The following COL11A2 variants were observed in gnomAD, a reference collection of about 807,000 sequenced individuals.
COL11A2 encodes collagen type XI alpha 2 chain.
In COL11A2, 116 loss-of-function variants were observed where a neutral mutation model predicts 273.4. That is an observed-to-expected ratio of 0.42 (90% CI 0.36 to 0.49). The LOEUF (loss-of-function observed/expected upper bound fraction) is 0.49. Ranked by LOEUF, COL11A2 falls within the 20% of genes least tolerant of loss-of-function variation. The probability of loss-of-function intolerance (pLI) is 0.00; values close to 1 mark genes in which losing one functional copy is unlikely to be tolerated. For synonymous variants in COL11A2, 782 were observed against 864.2 expected (o/e 0.90, Z 1.67); for missense variants, 1,866 against 2,309.0 (o/e 0.81, Z 3.93).
intron 52 of COL11A2, 35 bp from the exon 53 acceptor site, chr6:33,168,794 C>A (rs1323989169): frequency 1.3e-6 from 2 of 1,598,290 alleles, no homozygotes. Context: ...GGTGGGCCCC[C>A]AACCTGGCTG....
At position 33,169,340 on chromosome 6, in the gene COL11A2, C is replaced by A; in HGVS notation, c.3798+43G>T. 1 of 1,548,776 alleles carries A rather than the reference C, an allele frequency of 6.5e-7. No individual in the cohort carries two copies. The highest frequency in any genetic ancestry group is 8.9e-7 in the Non-Finnish European group (1 of 1,124,890). On this transcript the variant is annotated intron_variant, in intron 51 of 65. Transcript: ENST00000341947. This position sits in a 1 kb window ranked among gnomAD's most constrained non-coding sequence, Gnocchi z 5.5. ...CACCCATATTCCCAGGTCTGTCATT[C>A]ACAGGGCCTGAGAGGACTCAGCCCC...
In COL11A2 at chr6:33,178,874, G is replaced by A. The variant is rs117200425; in HGVS notation, c.1665+46C>T. 6,859 of 1,611,988 alleles carry A rather than the reference G, an allele frequency of 4.3e-3. 376 individuals are homozygous for A. The South Asian group carries it at 0.043, about 10-fold the overall frequency. On this transcript the variant is annotated intron_variant, in intron 17 of 65. Coordinates refer to ENST00000341947, the MANE Select transcript of COL11A2 (RefSeq NM_080680.3). This position sits in a 1 kb window ranked among gnomAD's most constrained non-coding sequence, Gnocchi z 4.6. Reference sequence around the variant, plus strand: ...TCCCCAAGAAACAACTGAGCCCAGCGTGGGCTGAAGGCTACAGGCTTCAGG... The same window carrying A: ...TCCCCAAGAAACAACTGAGCCCAGCATGGGCTGAAGGCTACAGGCTTCAGG...
chr6:33,193,359 T>G (rs969027387), upstream of COL11A2, among the ~76,000 whole-genome samples: 1 of 151,436 alleles, frequency 6.6e-6, no homozygotes, highest in African/African-American at 2.4e-5. Flanking sequence ...CAAGGCGCCT[T>G]TGAGAATCCA....
In COL11A2 at chr6:33,177,373, G is replaced by A. The variant is rs2150572576; in HGVS notation, c.1971+39C>T. 1.9e-6 allele frequency: 3 copies of A among 1,611,330 alleles called. No individual in the cohort carries two copies. The highest frequency in any genetic ancestry group is 4.5e-5 in the East Asian group (2 of 44,872). On this transcript the variant is annotated intron_variant, in intron 23 of 65. Coordinates refer to ENST00000341947, the MANE Select transcript of COL11A2 (RefSeq NM_080680.3). The surrounding 1 kb of genome is among the most constrained non-coding windows in gnomAD (Gnocchi z 5.9). ...CACCCATTGTGGAAGCCCAAGGGAA[G>A]TCATGAAAATTGGGGAACGGAGTAG...
At chr6:33,187,238 A>G (rs911395613) in intron 4 of COL11A2, among the ~76,000 whole-genome samples, 15 of 152,108 alleles carry the variant, frequency 9.9e-5, no homozygotes, top group Non-Finnish European at 1.6e-4. Context: ...TGGCCTTCCA[A>G]TGGCAGTGAT....
At chr6:33,184,747 C>T (rs560619079) in intron 7 of COL11A2, among the ~76,000 whole-genome samples, 13 of 152,238 alleles carry the variant, frequency 8.5e-5, no homozygotes, top group South Asian at 6.2e-4. Flanking sequence ...AACATGGAGA[C>T]GAAGTCACTC....
rs1200004782 is a variant in COL11A2 at position 33,190,012 on chromosome 6, C to T, written c.83-543G>A. ...CATCTGGGCAATCGATCATCCTGGA[C>T]ACAGGAGGTGCAGGGGGGCCACGAG... On this transcript the variant is annotated intron_variant, in intron 1 of 65. Transcript: ENST00000341947. The surrounding 1 kb of genome is among the most constrained non-coding windows in gnomAD (Gnocchi z 4.5). 6.6e-6 allele frequency among the ~76,000 whole-genome samples: 1 copy of T among 152,142 alleles called. No individual in the cohort carries two copies. Among genetic ancestry groups the T allele is most frequent in the East Asian group, 1.9e-4 (1 of 5,192 alleles).
Position 33,177,706 on chromosome 6 carries a change from C to T in COL11A2, c.1873G>A (p.Gly625Ser). ...TGGGGACCATCCATGCCTCGGACGC[C>T]CTGAAACACAAGATGGGTGTGAGCA... ...KGPPGIPGPP[G>S]VRGMDGPQGP... Residue 625 changes from glycine (G) to serine (S), a missense_variant and splice_region_variant, in exon 22 of 66, where the codon GGC becomes AGC. Gly to Ser is a moderately conservative substitution (Grantham distance 56, BLOSUM62 0). Transcript: ENST00000341947. The surrounding 1 kb of genome is among the most constrained non-coding windows in gnomAD (Gnocchi z 5.9). The T allele has an allele frequency of 6.2e-7, 1 of 1,612,830 alleles. No individual in the cohort carries two copies. The highest frequency in any genetic ancestry group is 8.5e-7 in the Non-Finnish European group (1 of 1,179,974).
rs1171676047 is a variant in COL11A2 at position 33,190,181 on chromosome 6, A to G, written c.83-712T>C. Among the ~76,000 whole-genome samples, 1 of 151,168 alleles carries G rather than the reference A, an allele frequency of 6.6e-6. No individual in the cohort carries two copies. The highest frequency in any genetic ancestry group is 1.5e-5 in the Non-Finnish European group (1 of 67,806). ...CCCAGGAGTCTGTGCCTCCTGGTTT[A>G]GGAGATGAGTTGGGGAGGGGTGGAG... On this transcript the variant is annotated intron_variant, in intron 1 of 65. Coordinates refer to ENST00000341947, the MANE Select transcript of COL11A2 (RefSeq NM_080680.3). The surrounding 1 kb of genome is among the most constrained non-coding windows in gnomAD (Gnocchi z 4.5).
At position 33,172,120 on chromosome 6, in the gene COL11A2, T is replaced by G. The variant is rs761346497; in HGVS notation, c.2989-17A>C. 1.1e-5 allele frequency: 18 copies of G among 1,611,572 alleles called. No homozygotes were observed. The highest frequency in any genetic ancestry group is 1.5e-5 in the Non-Finnish European group (18 of 1,179,810). On this transcript the variant is annotated splice_polypyrimidine_tract_variant and intron_variant, in intron 40 of 65. Coordinates refer to ENST00000341947, the MANE Select transcript of COL11A2 (RefSeq NM_080680.3). ...AGGTCCACCCTATGAACCAGACATT[T>G]GGGGAAGATGAGACTTCACGAAAAG...
rs750091590 is a variant in COL11A2, at chr6:33,179,677, C to T, written c.1446+42G>A. 1.2e-6 allele frequency: 2 copies of T among 1,602,900 alleles called. No individual in the cohort carries two copies. Among genetic ancestry groups the T allele is most frequent in the African/African-American group, 1.3e-5 (1 of 74,922 alleles). ...CTCACTCCAGCCAACCCTTCCAGTG[C>T]CCCCCAGAGCCTTCCCTTTCCAGGG... On this transcript the variant is annotated intron_variant, in intron 13 of 65. Transcript: ENST00000341947. The surrounding 1 kb of genome is among the most constrained non-coding windows in gnomAD (Gnocchi z 6.4).
chr6:33,189,441 G>A lies in COL11A2; in HGVS notation c.111C>T (p.Ala37=). ...CATCAGGGAGGGAGGGGAACCTCAG[G>A]GCCCGGAGCACATCCACAGGGGGTG... ...AGAPPVDVLR[A]LRFPSLPDGV... is the part of the protein sequence containing the mutation. Residue 37 remains alanine (A), a synonymous_variant, in exon 2 of 66, where the codon GCC becomes GCT. Coordinates refer to ENST00000341947, the MANE Select transcript of COL11A2 (RefSeq NM_080680.3). This position sits in a 1 kb window ranked among gnomAD's most constrained non-coding sequence, Gnocchi z 5.6. The A allele has an allele frequency of 6.2e-7, 1 of 1,613,066 alleles. No homozygotes were observed. The highest frequency in any genetic ancestry group is 8.5e-7 in the Non-Finnish European group (1 of 1,180,024).
At position 33,189,253 on chromosome 6, in the gene COL11A2, C is replaced by T; in HGVS notation, c.233-65G>A. On this transcript the variant is annotated intron_variant, in intron 2 of 65. Transcript: ENST00000341947. This position sits in a 1 kb window ranked among gnomAD's most constrained non-coding sequence, Gnocchi z 5.6. ...GGGAGCCGCCACAACCCCTTTCCTC[C>T]TGGTGTCTGATCCTAGGCCCCATCC... The T allele has an allele frequency of 1.2e-6, 2 of 1,613,504 alleles. No individual in the cohort carries two copies. Among genetic ancestry groups the T allele is most frequent in the Non-Finnish European group, 1.7e-6 (2 of 1,179,574 alleles).
chr6:33,180,115 A>G, intron 12 of COL11A2, 143 bp downstream of exon 12: 1 of 955,402 alleles, frequency 1.0e-6, no homozygotes, highest in Non-Finnish European at 1.7e-6. Flanking sequence ...CCCCAACCCC[A>G]AAGACGAATC....
At position 33,169,940 on chromosome 6, in the gene COL11A2, A is replaced by T; in HGVS notation, c.3637-56T>A. 2 of 1,613,366 alleles carry T rather than the reference A, an allele frequency of 1.2e-6. No homozygotes were observed. The highest frequency in any genetic ancestry group is 1.7e-6 in the Non-Finnish European group (2 of 1,179,370). ...CTCCTTCCCCAGCCAAAAAATTCTG[A>T]TATTCCCCACATCTCATTCTCTTTT... On this transcript the variant is annotated intron_variant, in intron 49 of 65. Transcript: ENST00000341947. This position sits in a 1 kb window ranked among gnomAD's most constrained non-coding sequence, Gnocchi z 5.5.
rs1408490036 is a variant in COL11A2, at chr6:33,172,338, G to A, written c.2939C>T (p.Pro980Leu). 3.8e-6 allele frequency: 6 copies of A among 1,590,270 alleles called. No individual in the cohort carries two copies. The African/African-American group carries it at 4.0e-5, about 11-fold the overall frequency. ...GPPGAPGKDG[P>L]AGLRGFPGER... ...TCCTGGGAATCCCCTCAGACCAGCA[G>A]GACCATCCTTCCCTGGGGCCCCAGG... The change falls in exon 40 of 66, where the codon CCT becomes CTT. Residue 980 changes from proline (P) to leucine (L), a missense_variant. Transcript: ENST00000341947.
At position 33,170,548 on chromosome 6, in the gene COL11A2, C is replaced by T; in HGVS notation, c.3528+9G>A. ...TATGGTGGCTAGGGTCAGTAGGGGTCACACTCACCATAGGACCCACATCTC... is the reference window on the plus strand; with the variant it reads ...TATGGTGGCTAGGGTCAGTAGGGGTTACACTCACCATAGGACCCACATCTC... On this transcript the variant is annotated intron_variant, in intron 47 of 65. Transcript: ENST00000341947. This position sits in a 1 kb window ranked among gnomAD's most constrained non-coding sequence, Gnocchi z 4.3. The T allele has an allele frequency of 6.2e-7, 1 of 1,612,174 alleles. No individual in the cohort carries two copies. The highest frequency in any genetic ancestry group is 8.5e-7 in the Non-Finnish European group (1 of 1,179,814).
In COL11A2 at chr6:33,175,705, G is replaced by A. The variant is rs749958097; in HGVS notation, c.2269-24C>T. The A allele has an allele frequency of 1.9e-6, 3 of 1,601,506 alleles. No individual in the cohort carries two copies. In the South Asian group the frequency reaches 3.3e-5, roughly 18 times the overall value. ...CCCTGTGTGAGAGGGAAGGACAGGT[G>A]AGTGCTGGGGACTGGAGGTGGGCTC... On this transcript the variant is annotated intron_variant, in intron 29 of 65. Transcript: ENST00000341947.
rs767510741 is a variant in COL11A2, at chr6:33,166,012, G to A, written c.4429-28C>T. ...GACAAGGAATAAATCAGGTCATGGA[G>A]GGGTCAAGAGGTCAAGCATGGATCA... On this transcript the variant is annotated intron_variant, in intron 61 of 65. Coordinates refer to ENST00000341947, the MANE Select transcript of COL11A2 (RefSeq NM_080680.3). The surrounding 1 kb of genome is among the most constrained non-coding windows in gnomAD (Gnocchi z 4.8). 1 of 1,613,916 alleles carries A rather than the reference G, an allele frequency of 6.2e-7. No individual in the cohort carries two copies. Among genetic ancestry groups the A allele is most frequent in the Non-Finnish European group, 8.5e-7 (1 of 1,179,970 alleles).
Sources: allele counts gnomAD v4.1 joint callset (sites outside exome capture counted in the v4.1 genomes callset), GRCh38; gene constraint gnomAD v4.1.1; non-coding constraint Gnocchi (gnomAD v3.1); transcripts MANE v1.5; gene names NCBI Gene and HGNC (gene_info 2026-07-23, HGNC 2026-07-21).